Variants in YTHDF3 observed in about 807,000 individuals in gnomAD.
The protein encoded by YTHDF3 is YTH domain-containing family protein 3.
A neutral mutation model predicts 52.5 loss-of-function variants in YTHDF3; 9 were observed. The observed-to-expected ratio is 0.17, with a 90% CI of 0.10 to 0.30. YTHDF3 has a LOEUF of 0.30. Ranked by LOEUF, YTHDF3 falls within the 10% of genes least tolerant of loss-of-function variation. YTHDF3 has a pLI of 1.00. For synonymous variants in YTHDF3, 274 were observed against 243.3 expected (o/e 1.13, Z -1.18); for missense variants, 534 against 715.0 (o/e 0.75, Z 2.89).
At chr8:63,183,524 TC>T (rs2130064031) in intron 3 of YTHDF3, among the ~76,000 whole-genome samples, 1 of 152,322 alleles carries the variant, frequency 6.6e-6, no homozygotes, top group Non-Finnish European at 1.5e-5. Context: ...CTTCCCTCAG[TC>T]TTTTCTTTAT....
chr8:63,197,395 G>A (rs892166827), intron 4 of YTHDF3, among the ~76,000 whole-genome samples: 1 of 152,150 alleles, frequency 6.6e-6, no homozygotes, highest in Non-Finnish European at 1.5e-5. Flanking sequence ...TGTAGAAATG[G>A]ACAGTAGGAT....
intron 1 of YTHDF3, 121 bp downstream of exon 1, chr8:63,169,022 A>C (rs779157925): frequency 4.0e-5 from 59 of 1,467,266 alleles, no homozygotes; most frequent in Non-Finnish European, 5.0e-5. Context: ...CCCCGGGCGC[A>C]AGTTGCTGCG....
At chr8:63,198,139 T>C (rs544386784) in intron 4 of YTHDF3, among the ~76,000 whole-genome samples, 7 of 152,244 alleles carry the variant, frequency 4.6e-5, no homozygotes, top group Non-Finnish European at 1.0e-4. Flanking sequence ...GGCATAATTA[T>C]AATAAAATCT....
chr8:63,207,572 T>C (rs989963250), intron 4 of YTHDF3, among the ~76,000 whole-genome samples: 1 of 152,188 alleles, frequency 6.6e-6, no homozygotes, highest in African/African-American at 2.4e-5. Context: ...ATTATATATA[T>C]AGACGTATTA....
intron 1 of YTHDF3, 138 bp from the exon 2 acceptor site, chr8:63,169,249 G>A: frequency 1.5e-6 from 2 of 1,306,414 alleles, no homozygotes; most frequent in Non-Finnish European, 2.1e-6. Context: ...GAAATTGGTG[G>A]CTGTGGAGGA....
At chr8:63,186,053 T>G in intron 3 of YTHDF3, 94 bp from the exon 4 acceptor site, 1 of 1,274,610 alleles carries the variant, frequency 7.8e-7, no homozygotes, top group Non-Finnish European at 1.1e-6. Context: ...TTATTTTCAT[T>G]TACTTAAAAC....
intron 4 of YTHDF3, among the ~76,000 whole-genome samples, chr8:63,206,140 C>G (rs146289617): frequency 6.6e-6 from 1 of 152,216 alleles, no homozygotes; most frequent in East Asian, 1.9e-4. Context: ...ATGGCGCGAT[C>G]TTGGCTCACT....
chr8:63,177,088 A>G (rs1185090838), intron 3 of YTHDF3, among the ~76,000 whole-genome samples: 2 of 152,212 alleles, frequency 1.3e-5, no homozygotes, highest in East Asian at 3.8e-4. Context: ...GCTTGCATAT[A>G]TGGAGAAAAT....
chr8:63,168,602 G>C, upstream of YTHDF3: 1 of 585,904 alleles, frequency 1.7e-6, no homozygotes, highest in African/African-American at 1.9e-5. Flanking sequence ...GGAAGGTCAG[G>C]GAGGCTCGGA....
intron 4 of YTHDF3, among the ~76,000 whole-genome samples, chr8:63,192,604 C>T (rs1226091008): frequency 1.3e-5 from 2 of 152,120 alleles, no homozygotes; most frequent in Admixed American, 1.3e-4. Flanking sequence ...GTACTTTTAG[C>T]CTTGTGTAGG....
chr8:63,181,910 A>C (rs1002289006), intron 3 of YTHDF3, among the ~76,000 whole-genome samples: 1 of 152,226 alleles, frequency 6.6e-6, no homozygotes, highest in Admixed American at 6.5e-5. Flanking sequence ...TTTTCTTATG[A>C]CATGATTAGA....
chr8:63,170,940 T>C (rs1186970418), intron 2 of YTHDF3, among the ~76,000 whole-genome samples: 1 of 152,154 alleles, frequency 6.6e-6, no homozygotes, highest in Non-Finnish European at 1.5e-5. Flanking sequence ...GTGGCATCTT[T>C]GATATTAGAT....
chr8:63,211,954 A>G lies in YTHDF3; in HGVS notation c.*2248A>G, dbSNP rs1304704794. 2 of 152,530 alleles carry G rather than the reference A, an allele frequency of 1.3e-5. No individual in the cohort carries two copies. The highest frequency in any genetic ancestry group is 2.9e-5 in the Non-Finnish European group (2 of 67,996). The allele number at this position is 152,530 out of a possible 1,614,324, so 9.4% of individuals were successfully genotyped here. A position where few individuals can be genotyped will look rare whatever the true frequency, so the allele number is the denominator to read the frequency against. ...ACCTTCTCTTCCTTCTTGGTCTGTCATTATATTGCAAAATATTTTTCCTCT... is the reference window on the plus strand; with the variant it reads ...ACCTTCTCTTCCTTCTTGGTCTGTCGTTATATTGCAAAATATTTTTCCTCT... On this transcript the variant is annotated 3_prime_UTR_variant, in exon 5 of 5. Transcript: ENST00000539294.
At chr8:63,169,858 C>A (rs570192084) in intron 2 of YTHDF3, among the ~76,000 whole-genome samples, 12 of 152,274 alleles carry the variant, frequency 7.9e-5, no homozygotes, top group African/African-American at 2.9e-4. Flanking sequence ...ATCACTGATT[C>A]TATTGAAGTC....
At chr8:63,173,223 T>TATATA (rs1554533399) in intron 2 of YTHDF3, among the ~76,000 whole-genome samples, 2 of 143,982 alleles carry the variant, frequency 1.4e-5, no homozygotes, top group African/African-American at 2.6e-5. Context: ...TACAGATAAA[T>TATATA]TTTAAGTAAG....
chr8:63,199,623 T>G (rs1809469206), intron 4 of YTHDF3, among the ~76,000 whole-genome samples: 1 of 152,234 alleles, frequency 6.6e-6, no homozygotes, highest in South Asian at 2.1e-4. Context: ...AAATGTGACA[T>G]TCAGTTTCTT....
intron 4 of YTHDF3, 25 bp downstream of exon 4, chr8:63,187,770 T>A: frequency 6.4e-7 from 1 of 1,552,598 alleles, no homozygotes; most frequent in South Asian, 1.2e-5. Context: ...ATTTTTTGTT[T>A]GGGGTCTTTG....
chr8:63,173,210 A>ATATATATATATATATATG (rs1807454515), intron 2 of YTHDF3, among the ~76,000 whole-genome samples: 2 of 147,144 alleles, frequency 1.4e-5, no homozygotes, highest in African/African-American at 5.2e-5. Flanking sequence ...ATTTATATAT[A>ATATATATATATATATATG]TATACAGATA....
intron 3 of YTHDF3, among the ~76,000 whole-genome samples, chr8:63,183,506 T>G (rs1205920487): frequency 6.6e-6 from 1 of 152,204 alleles, no homozygotes; most frequent in East Asian, 1.9e-4. Context: ...ATTGTTGGTG[T>G]ATTTGAACTT....
Sources: allele counts gnomAD v4.1 joint callset (sites outside exome capture counted in the v4.1 genomes callset), GRCh38; gene constraint gnomAD v4.1.1; transcripts MANE v1.5; gene names NCBI Gene and HGNC (gene_info 2026-07-23, HGNC 2026-07-21).